Variants in PREX2 observed in about 807,000 individuals in gnomAD.
PREX2 encodes phosphatidylinositol 3,4,5-trisphosphate-dependent Rac exchanger 2 protein.
A neutral mutation model predicts 203.2 loss-of-function variants in PREX2; 107 were observed. The observed-to-expected ratio is 0.53, with a 90% CI of 0.45 to 0.62. PREX2 has a LOEUF of 0.62. Ranked by LOEUF, PREX2 falls within the 20% of genes least tolerant of loss-of-function variation. PREX2 has a pLI of 0.00. For synonymous variants in PREX2, 672 were observed against 663.6 expected, an observed-to-expected ratio of 1.01 and a Z score of -0.19; for missense variants, 1,777 against 1,955.9, an observed-to-expected ratio of 0.91 and a Z score of 1.72.
intron 1 of PREX2, among the ~76,000 whole-genome samples, chr8:67,959,044 G>T (rs1369773342): frequency 6.6e-6 from 1 of 152,172 alleles, no homozygotes; most frequent in African/African-American, 2.4e-5. Context: ...ATGGCATAAG[G>T]AGAGCAATTA....
intron 22 of PREX2, among the ~76,000 whole-genome samples, chr8:68,098,677 A>G (rs1171341902): frequency 1.3e-5 from 2 of 151,438 alleles, no homozygotes; most frequent in Non-Finnish European, 2.9e-5. Flanking sequence ...TGGATTTTAC[A>G]CATGAAGAAA....
chr8:68,116,003 C>A, intron 26 of PREX2, 71 bp downstream of exon 26: 1 of 1,383,004 alleles, frequency 7.2e-7, no homozygotes. Context: ...CCACAAAGAT[C>A]TTGAAAAAAG....
At chr8:68,227,287 C>T (rs944386966) in intron 39 of PREX2, among the ~76,000 whole-genome samples, 3 of 151,964 alleles carry the variant, frequency 2.0e-5, no homozygotes, top group Non-Finnish European at 2.9e-5. Flanking sequence ...TCTTTGGACA[C>T]GAATTGGATA....
At chr8:68,009,115 G>A (rs1022380548) in intron 1 of PREX2, among the ~76,000 whole-genome samples, 10 of 152,154 alleles carry the variant, frequency 6.6e-5, no homozygotes, top group East Asian at 3.9e-4. Context: ...GTCGGGCAGC[G>A]ACAGATCTTC....
intron 5 of PREX2, among the ~76,000 whole-genome samples, chr8:68,028,017 TCAGGATGGG>T (rs1420543118): frequency 6.6e-6 from 1 of 152,006 alleles, no homozygotes; most frequent in Non-Finnish European, 1.5e-5. Context: ...AACCATAACA[TCAGGATGGG>T]CAGCCTGGGA....
chr8:68,122,643 T>A (rs1810800020), intron 30 of PREX2, among the ~76,000 whole-genome samples: 1 of 152,002 alleles, frequency 6.6e-6, no homozygotes, highest in Non-Finnish European at 1.5e-5. Context: ...AATGGAGAAA[T>A]CCTTAAATCA....
chr8:68,039,651 C>T (rs757600718), intron 7 of PREX2, among the ~76,000 whole-genome samples: 4 of 152,122 alleles, frequency 2.6e-5, no homozygotes, highest in Non-Finnish European at 5.9e-5. Context: ...TCTGGGTTCC[C>T]CTTCCTAAAG....
At position 68,054,366 on chromosome 8, in the gene PREX2, A is replaced by G. The variant is rs185415149; in HGVS notation, c.1093+1120A>G. 3.8e-3 allele frequency among the ~76,000 whole-genome samples: 491 copies of G among 130,456 alleles called. 8 individuals carry two copies. The highest frequency in any genetic ancestry group is 0.016 in the African/African-American group (477 of 30,520). The allele number at this position is 130,456 out of a possible 152,430, so 85.6% of individuals were successfully genotyped here. On this transcript the variant is annotated intron_variant, in intron 9 of 39. Coordinates refer to ENST00000288368, the MANE Select transcript of PREX2 (RefSeq NM_024870.4). ...CCTTTTTCTTAAGCACCCAAGAGAA[A>G]AAAACAAAACAAAATAAAAACCCCC...
At chr8:67,974,257 G>A (rs1806005868) in intron 1 of PREX2, among the ~76,000 whole-genome samples, 1 of 151,842 alleles carries the variant, frequency 6.6e-6, no homozygotes, top group Admixed American at 6.6e-5. Flanking sequence ...GTACTACTTT[G>A]GACTTAGACT....
intron 35 of PREX2, among the ~76,000 whole-genome samples, chr8:68,170,263 G>C (rs1362925554): frequency 6.6e-6 from 1 of 152,194 alleles, no homozygotes; most frequent in Non-Finnish European, 1.5e-5. Flanking sequence ...GTAGGAAGCT[G>C]CTATTTTATT....
intron 7 of PREX2, among the ~76,000 whole-genome samples, chr8:68,042,142 A>C (rs1354774316): frequency 6.6e-6 from 1 of 152,016 alleles, no homozygotes; most frequent in African/African-American, 2.4e-5. Context: ...AGATATAGAG[A>C]TCTTTCAGAA....
At chr8:68,161,594 C>A (rs1453610447) in intron 35 of PREX2, among the ~76,000 whole-genome samples, 2 of 152,106 alleles carry the variant, frequency 1.3e-5, no homozygotes, top group Non-Finnish European at 2.9e-5. Flanking sequence ...CGCAAACCTT[C>A]TACAGCTTGC....
chr8:68,057,331 G>C (rs1463497747), intron 10 of PREX2, among the ~76,000 whole-genome samples: 1 of 152,086 alleles, frequency 6.6e-6, no homozygotes, highest in Non-Finnish European at 1.5e-5. Flanking sequence ...AAATTACCCA[G>C]TCGTGGGTAC....
In PREX2 at chr8:68,069,056, C is replaced by A; in HGVS notation, c.1363C>A (p.Pro455Thr). ...HHVTDKHQFK[P>T]EQMLYRFRYD... ...AGTTACTGATAAACATCAATTCAAA[C>A]CAGAACAGATGTTATATAGATTTCG... Residue 455 changes from proline to threonine, a missense_variant, in exon 12 of 40, where the codon CCA (proline) becomes ACA (threonine). Coordinates refer to ENST00000288368, the MANE Select transcript of PREX2 (RefSeq NM_024870.4). The A allele has an allele frequency of 6.6e-7, 1 of 1,514,670 alleles. No homozygotes were observed. Among genetic ancestry groups the A allele is most frequent in the Non-Finnish European group, 8.9e-7 (1 of 1,119,776 alleles). 93.8% of individuals were successfully genotyped at this position (1,514,670 alleles called of 1,614,324 possible).
At chr8:67,988,897 G>A (rs1402569730) in intron 1 of PREX2, among the ~76,000 whole-genome samples, 1 of 152,182 alleles carries the variant, frequency 6.6e-6, no homozygotes, top group Admixed American at 6.5e-5. Flanking sequence ...AGTGATCCTA[G>A]AACACCTGAT....
intron 1 of PREX2, among the ~76,000 whole-genome samples, chr8:67,993,062 A>G (rs1343404075): frequency 6.6e-6 from 1 of 152,204 alleles, no homozygotes; most frequent in East Asian, 1.9e-4. Context: ...GCAGATTTCA[A>G]AATGTTCTTA....
At chr8:68,024,095 A>G (rs1337508078) in intron 4 of PREX2, among the ~76,000 whole-genome samples, 2 of 151,968 alleles carry the variant, frequency 1.3e-5, no homozygotes, top group Non-Finnish European at 2.9e-5. Flanking sequence ...GATGTTTGCT[A>G]TTGATTTTTT....
intron 37 of PREX2, among the ~76,000 whole-genome samples, chr8:68,205,441 A>G (rs1812602902): frequency 6.6e-6 from 1 of 152,172 alleles, no homozygotes. Flanking sequence ...CTTGTCACCA[A>G]AGCCTTGCTC....
intron 17 of PREX2, chr8:68,082,349 T>A (rs1809556277): frequency 6.6e-6 from 1 of 152,230 alleles, no homozygotes; most frequent in Admixed American, 6.5e-5. Context: ...TCACCCATCC[T>A]CCTATCTGCT....
Sources: allele counts gnomAD v4.1 joint callset (sites outside exome capture counted in the v4.1 genomes callset), GRCh38; gene constraint gnomAD v4.1.1; transcripts MANE v1.5; gene names NCBI Gene and HGNC (gene_info 2026-07-23, HGNC 2026-07-21).